Variants in DACH2 observed in about 807,000 individuals in gnomAD.
DACH2 encodes the protein dachshund homolog 2.
In DACH2, 17 loss-of-function variants were observed where a neutral mutation model predicts 35.8. That is an observed-to-expected ratio of 0.48 (90% confidence interval 0.33 to 0.71). DACH2 has a LOEUF of 0.71. Among genes scored for constraint, DACH2 ranks in the 30% least tolerant of loss-of-function variants. The probability of loss-of-function intolerance (pLI) is 0.02; values close to 1 mark genes in which losing one functional copy is unlikely to be tolerated. For missense variants in DACH2, 469 were observed against 472.7 expected (o/e 0.99, Z 0.07); for synonymous variants, 195 against 177.3 (o/e 1.10, Z -0.79).
At chrX:86,293,122 C>G (rs1200774739) in intron 1 of DACH2, among the ~76,000 whole-genome samples, 2 of 96,000 alleles carry the variant, frequency 2.1e-5, no homozygotes, top group Non-Finnish European at 4.1e-5. Context: ...GTATTGGGTG[C>G]ATATATATTT....
intron 3 of DACH2, among the ~76,000 whole-genome samples, chrX:86,648,809 T>G (rs2148404754): frequency 9.0e-6 from 1 of 110,909 alleles, no homozygotes; most frequent in African/African-American, 3.3e-5. Flanking sequence ...TCAAATAAAT[T>G]TTTTCTGCAC....
intron 1 of DACH2, among the ~76,000 whole-genome samples, chrX:86,165,959 G>A (rs1453432864): frequency 8.9e-6 from 1 of 111,746 alleles, no homozygotes; most frequent in Non-Finnish European, 1.9e-5. Context: ...CAGTTTCACA[G>A]TTCAAAGTCT....
chrX:86,451,555 C>T (rs1307019953), intron 2 of DACH2, among the ~76,000 whole-genome samples: 3 of 110,643 alleles, frequency 2.7e-5, no homozygotes, highest in South Asian at 7.6e-4. Flanking sequence ...TTTTTTGGTC[C>T]CATATGAGTT....
chrX:86,195,266 G>A (rs2147895906), intron 1 of DACH2, among the ~76,000 whole-genome samples: 1 of 111,876 alleles, frequency 8.9e-6, no homozygotes, highest in East Asian at 2.8e-4. Flanking sequence ...AGCCTTGATG[G>A]GCACAGAGCC....
chrX:86,668,149 C>T (rs969319279), intron 4 of DACH2, among the ~76,000 whole-genome samples: 1 of 111,887 alleles, frequency 8.9e-6, no homozygotes, highest in African/African-American at 3.2e-5. Flanking sequence ...TCAAAATTAC[C>T]TACTTGAAAG....
intron 2 of DACH2, among the ~76,000 whole-genome samples, chrX:86,429,992 A>T (rs780345492): frequency 8.9e-6 from 1 of 112,714 alleles, no homozygotes; most frequent in Non-Finnish European, 1.9e-5. Flanking sequence ...GCACTGGAAC[A>T]AAATGTGGAA....
At chrX:86,531,160 G>A (rs983522009) in intron 3 of DACH2, among the ~76,000 whole-genome samples, 4 of 112,101 alleles carry the variant, frequency 3.6e-5, no homozygotes, top group Non-Finnish European at 5.6e-5. Context: ...GATTAAAAGC[G>A]AAGTAGAGCA....
At chrX:86,750,338 T>C (rs1254708407) in intron 7 of DACH2, among the ~76,000 whole-genome samples, 1 of 112,226 alleles carries the variant, frequency 8.9e-6, no homozygotes, top group Non-Finnish European at 1.9e-5. Flanking sequence ...TTGCTGTATC[T>C]ATCAAGATGA....
chrX:86,271,771 A>G (rs2033817015), intron 1 of DACH2, among the ~76,000 whole-genome samples: 1 of 112,181 alleles, frequency 8.9e-6, no homozygotes, highest in Non-Finnish European at 1.9e-5. Flanking sequence ...AAATAGTTTT[A>G]TAAAAAGGAT....
At chrX:86,746,405 T>C (rs2041713072) in intron 7 of DACH2, among the ~76,000 whole-genome samples, 1 of 111,615 alleles carries the variant, frequency 9.0e-6, no homozygotes, top group Non-Finnish European at 1.9e-5. Context: ...CCCTGCTCTC[T>C]CCAACACTTA....
chrX:86,337,938 A>G (rs1290101791), intron 1 of DACH2, among the ~76,000 whole-genome samples: 1 of 75,259 alleles, frequency 1.3e-5, no homozygotes, highest in African/African-American at 1.2e-4. Flanking sequence ...ATAGACTTTA[A>G]CTTTAAACCA....
At chrX:86,244,351 C>A (rs903334661) in intron 1 of DACH2, among the ~76,000 whole-genome samples, 1 of 112,252 alleles carries the variant, frequency 8.9e-6, no homozygotes, top group Non-Finnish European at 1.9e-5. Flanking sequence ...AAGATACAAT[C>A]ATAGCTAACT....
chrX:86,526,590 AT>A (rs1465610876), intron 3 of DACH2, among the ~76,000 whole-genome samples: 3 of 111,241 alleles, frequency 2.7e-5, no homozygotes, highest in Admixed American at 9.6e-5. Flanking sequence ...ATTCATACAC[AT>A]ACCTGAGTCA....
chrX:86,734,877 C>T (rs2041578926), intron 6 of DACH2, among the ~76,000 whole-genome samples: 1 of 111,514 alleles, frequency 9.0e-6, no homozygotes, highest in East Asian at 2.8e-4. Flanking sequence ...ACAGAAGAAG[C>T]ATATCAATTA....
chrX:86,761,487 G>A (rs1328407156), intron 7 of DACH2, among the ~76,000 whole-genome samples: 2 of 111,455 alleles, frequency 1.8e-5, no homozygotes, highest in Non-Finnish European at 3.8e-5. Flanking sequence ...AAGTCAGTGT[G>A]GCGATTCCTC....
intron 4 of DACH2, among the ~76,000 whole-genome samples, chrX:86,692,667 A>T (rs979186486): frequency 8.9e-6 from 1 of 111,802 alleles, no homozygotes; most frequent in African/African-American, 3.3e-5. Context: ...GTGATAGTGC[A>T]GTACTATGTT....
chrX:86,824,566 G>T (rs771983144), intron 11 of DACH2, among the ~76,000 whole-genome samples: 1 of 111,925 alleles, frequency 8.9e-6, no homozygotes, highest in South Asian at 3.8e-4. Flanking sequence ...AGTAAGACAG[G>T]GGTAAGAAAT....
At chrX:86,200,666 C>T (rs1602278413) in intron 1 of DACH2, among the ~76,000 whole-genome samples, 1 of 98,535 alleles carries the variant, frequency 1.0e-5, no homozygotes, top group East Asian at 3.1e-4. Flanking sequence ...ATATATGAGG[C>T]CAACAAGCAT....
intron 7 of DACH2, among the ~76,000 whole-genome samples, chrX:86,775,589 A>G (rs2042023976): frequency 9.0e-6 from 1 of 111,616 alleles, no homozygotes; most frequent in Non-Finnish European, 1.9e-5. Flanking sequence ...TTTGCCAAAA[A>G]GGTTGGGGAC....
Sources: gnomAD v4.1 joint callset for allele counts (sites outside exome capture counted in the v4.1 genomes callset) on GRCh38, gnomAD v4.1.1 for gene constraint, MANE v1.5 for transcripts, NCBI Gene and HGNC (gene_info 2026-07-23, HGNC 2026-07-21) for gene names.